The following NCOA1 variants were observed in gnomAD, a reference collection of about 807,000 sequenced individuals.
NCOA1 encodes the protein nuclear receptor coactivator 1, also known as Hin-2 protein.
Under a neutral mutation model 150.9 loss-of-function variants are expected in NCOA1, and 35 were observed. That is an observed-to-expected ratio of 0.23 (90% confidence interval 0.18 to 0.31). NCOA1 has a LOEUF of 0.31. NCOA1 is among the 10% of genes least tolerant of loss of function. NCOA1 has a pLI of 1.00. For synonymous variants in NCOA1, 590 were observed against 630.0 expected (o/e 0.94, Z 0.95); for missense variants, 1,491 against 1,749.3 (o/e 0.85, Z 2.63).
At chr2:24,734,773 C>CA (rs1364583323) in intron 17 of NCOA1, among the ~76,000 whole-genome samples, 2 of 151,982 alleles carry the variant, frequency 1.3e-5, no homozygotes, top group African/African-American at 4.8e-5. Context: ...CTACTCACTC[C>CA]AGCCTGGGTG....
At chr2:24,627,469 T>C (rs987925827) in intron 3 of NCOA1, among the ~76,000 whole-genome samples, 1 of 152,200 alleles carries the variant, frequency 6.6e-6, no homozygotes, top group Non-Finnish European at 1.5e-5. Context: ...AGACTGTCGT[T>C]GTCAGTTAGC....
intron 8 of NCOA1, among the ~76,000 whole-genome samples, chr2:24,687,490 C>T (rs1225532439): frequency 2.0e-5 from 3 of 151,892 alleles, no homozygotes; most frequent in Non-Finnish European, 2.9e-5. Context: ...TTTCACACTG[C>T]GATAAAGAAC....
chr2:24,504,157 A>T (rs1249054550), intron 1 of NCOA1, among the ~76,000 whole-genome samples: 4 of 152,246 alleles, frequency 2.6e-5, no homozygotes, highest in Non-Finnish European at 4.4e-5. Flanking sequence ...TTTGTTACCG[A>T]TGATACTAGG....
intron 1 of NCOA1, among the ~76,000 whole-genome samples, chr2:24,538,455 C>G (rs916091896): frequency 1.3e-5 from 2 of 152,186 alleles, no homozygotes; most frequent in Non-Finnish European, 2.9e-5. Context: ...ATCAGAAGAT[C>G]TGGATGCAAA....
At chr2:24,665,425 A>C (rs1390915878) in intron 5 of NCOA1, among the ~76,000 whole-genome samples, 1 of 152,178 alleles carries the variant, frequency 6.6e-6, no homozygotes, top group African/African-American at 2.4e-5. Context: ...AGTAGTTCCA[A>C]ATGTAACTGC....
At chr2:24,537,740 G>A (rs934887053) in intron 1 of NCOA1, among the ~76,000 whole-genome samples, 8 of 152,046 alleles carry the variant, frequency 5.3e-5, no homozygotes, top group African/African-American at 1.9e-4. Context: ...AGATGCTTTT[G>A]TCACAAAAAG....
At chr2:24,615,848 A>G in intron 3 of NCOA1, among the ~76,000 whole-genome samples, 1 of 152,186 alleles carries the variant, frequency 6.6e-6, no homozygotes, top group East Asian at 1.9e-4. Flanking sequence ...TAGAGTAGTA[A>G]GTCCAGATAG....
chr2:24,690,651 CAAAAAAAA>C (rs70947837), intron 8 of NCOA1, among the ~76,000 whole-genome samples: 35 of 38,442 alleles, frequency 9.1e-4, no homozygotes, highest in East Asian at 8.9e-3. Flanking sequence ...GATTCCATCT[CAAAAAAAA>C]AAAAAAAAAA....
At chr2:24,701,624 C>G (rs1673167023) in intron 11 of NCOA1, among the ~76,000 whole-genome samples, 1 of 151,998 alleles carries the variant, frequency 6.6e-6, no homozygotes. Flanking sequence ...AACTGTTTAT[C>G]TCTGCATGAT....
At chr2:24,670,913 A>G (rs1671652506) in intron 6 of NCOA1, among the ~76,000 whole-genome samples, 1 of 152,220 alleles carries the variant, frequency 6.6e-6, no homozygotes, top group Admixed American at 6.5e-5. Flanking sequence ...ATTAAAAACT[A>G]TGATATTGTT....
intron 3 of NCOA1, among the ~76,000 whole-genome samples, chr2:24,625,024 C>T (rs1199293705): frequency 6.6e-6 from 1 of 152,076 alleles, no homozygotes; most frequent in African/African-American, 2.4e-5. Context: ...GAGTGTATTC[C>T]AACAAAACTT....
At chr2:24,650,663 G>T (rs1670672528) in intron 4 of NCOA1, among the ~76,000 whole-genome samples, 1 of 152,048 alleles carries the variant, frequency 6.6e-6, no homozygotes. Flanking sequence ...GACCTGAAAA[G>T]ATATTTCTTT....
intron 17 of NCOA1, among the ~76,000 whole-genome samples, chr2:24,733,751 A>C (rs931122003): frequency 2.0e-5 from 3 of 152,108 alleles, no homozygotes; most frequent in Non-Finnish European, 2.9e-5. Flanking sequence ...CTCAAAAACA[A>C]AACAAAACAA....
At chr2:24,580,614 T>C (rs964569218) in intron 2 of NCOA1, among the ~76,000 whole-genome samples, 1 of 152,246 alleles carries the variant, frequency 6.6e-6, no homozygotes, top group African/African-American at 2.4e-5. Context: ...TGGTTCTTCT[T>C]TATATCTTTT....
intron 1 of NCOA1, among the ~76,000 whole-genome samples, chr2:24,545,946 C>T (rs1170625413): frequency 2.0e-5 from 3 of 152,154 alleles, no homozygotes; most frequent in Admixed American, 6.5e-5. Flanking sequence ...CATGCCACTA[C>T]ACTCATCTAA....
chr2:24,768,506 G>T lies in NCOA1; in HGVS notation c.*115G>T. On this transcript the variant is annotated 3_prime_UTR_variant, in exon 23 of 23. Transcript: ENST00000348332. The stretch of plus-strand genomic sequence containing the variant: ...ATCTGCAGCCATTCTTCAGGTCGTA[G>T]CATTTGGAGCAAAAAAAAAAAAAAA... 1 of 167,764 alleles carries T rather than the reference G, an allele frequency of 6.0e-6. No homozygotes were observed. 10.4% of individuals were successfully genotyped at this position (167,764 alleles called of 1,614,324 possible).
chr2:24,623,539 C>G (rs1669270691), intron 3 of NCOA1, among the ~76,000 whole-genome samples: 1 of 152,160 alleles, frequency 6.6e-6, no homozygotes, highest in Non-Finnish European at 1.5e-5. Flanking sequence ...AAATATGTAT[C>G]TAGGGCAAAA....
At chr2:24,620,569 A>G (rs1669095929) in intron 3 of NCOA1, among the ~76,000 whole-genome samples, 1 of 152,204 alleles carries the variant, frequency 6.6e-6, no homozygotes, top group Non-Finnish European at 1.5e-5. Context: ...AGATCACGCC[A>G]TTGTACTCCA....
intron 1 of NCOA1, among the ~76,000 whole-genome samples, chr2:24,554,095 T>G (rs1410624900): frequency 2.0e-5 from 3 of 152,320 alleles, no homozygotes; most frequent in East Asian, 3.9e-4. Context: ...TCTCTTTTTT[T>G]GATCACTCTG....
Sources: allele counts gnomAD v4.1 joint callset (sites outside exome capture counted in the v4.1 genomes callset), GRCh38; gene constraint gnomAD v4.1.1; transcripts MANE v1.5; gene names NCBI Gene and HGNC (gene_info 2026-07-23, HGNC 2026-07-21).